Variants in EHD3 observed in about 807,000 individuals in gnomAD.
The protein encoded by EHD3 is EH domain-containing protein 3.
A neutral mutation model predicts 43.0 loss-of-function variants in EHD3; 17 were observed. That is an observed-to-expected ratio of 0.40 (90% CI 0.27 to 0.59). The LOEUF (loss-of-function observed/expected upper bound fraction) is 0.59, where lower values mean the gene tolerates loss of function less well. Among genes scored for constraint, EHD3 ranks in the 20% least tolerant of loss-of-function variants. EHD3 has a pLI of 0.49. For missense variants in EHD3, 594 were observed against 705.6 expected (o/e 0.84, Z 1.79); for synonymous variants, 313 against 289.5 (o/e 1.08, Z -0.82).
In EHD3 at chr2:31,260,580, C is replaced by T. The variant is rs900182342; in HGVS notation, c.573C>T (p.Ala191=). Residue 191 remains alanine (A), a synonymous_variant, in exon 4 of 6, where the codon GCC becomes GCT. Coordinates refer to ENST00000322054, the MANE Select transcript of EHD3 (RefSeq NM_014600.3). This position sits in a 1 kb window ranked among gnomAD's most constrained non-coding sequence, Gnocchi z 4.6. ...ACCGCATCATTCTGCTCTTCGATGCCCACAAACTGGACATCTCTGATGAGT... is the reference window on the plus strand; with the variant it reads ...ACCGCATCATTCTGCTCTTCGATGCTCACAAACTGGACATCTCTGATGAGT... ...RVDRIILLFD[A]HKLDISDEFS... is the part of the protein sequence containing the mutation. The T allele has an allele frequency of 6.2e-7, 1 of 1,614,132 alleles. No homozygotes were observed. The highest frequency in any genetic ancestry group is 8.5e-7 in the Non-Finnish European group (1 of 1,180,008).
At chr2:31,245,540 TATATATA>T in intron 2 of EHD3, among the ~76,000 whole-genome samples, 1 of 51,964 alleles carries the variant, frequency 1.9e-5, no homozygotes, top group African/African-American at 9.7e-5. Context: ...TATATATATA[TATATATA>T]TATATATTTT....
chr2:31,240,270 C>G (rs534971275), intron 1 of EHD3, among the ~76,000 whole-genome samples: 1 of 152,342 alleles, frequency 6.6e-6, no homozygotes, highest in African/African-American at 2.4e-5. Context: ...ATCCCCGTCT[C>G]TGCTGTTCCC....
chr2:31,263,878 G>A (rs1572474241), intron 5 of EHD3, among the ~76,000 whole-genome samples: 2 of 152,198 alleles, frequency 1.3e-5, no homozygotes, highest in South Asian at 2.1e-4. Context: ...GGAGAAGTTG[G>A]TGTTCTAGAC....
intron 2 of EHD3, among the ~76,000 whole-genome samples, chr2:31,245,115 G>C (rs947530068): frequency 2.3e-4 from 35 of 152,174 alleles, no homozygotes; most frequent in Non-Finnish European, 5.0e-4. Context: ...GATAAATCCA[G>C]TTTCACATGT....
intron 2 of EHD3, among the ~76,000 whole-genome samples, chr2:31,245,545 ATATATATATTTTTT>A (rs1558647898): frequency 1.7e-5 from 1 of 59,924 alleles, no homozygotes; most frequent in Non-Finnish European, 3.0e-5. Flanking sequence ...ATATATATAT[ATATATATATTTTTT>A]TTTTTTTTTT....
chr2:31,247,617 T>C (rs566346992), intron 2 of EHD3, among the ~76,000 whole-genome samples: 1 of 152,314 alleles, frequency 6.6e-6, no homozygotes, highest in South Asian at 2.1e-4. Context: ...TACTAAGGGA[T>C]AGAATTCGTG....
Position 31,234,600 on chromosome 2 carries a change from C to A in EHD3, c.-22C>A, listed in dbSNP as rs747083363. The A allele has an allele frequency of 3.1e-6, 5 of 1,612,230 alleles. No homozygotes were observed. Among genetic ancestry groups the A allele is most frequent in the African/African-American group, 2.7e-5 (2 of 74,916 alleles). On this transcript the variant is annotated 5_prime_UTR_variant, in exon 1 of 6. Coordinates refer to ENST00000322054, the MANE Select transcript of EHD3 (RefSeq NM_014600.3). ...AGGAGTCTTCCCCTGGGGCTGCGTGCCGGGGGCGAGCGGCGGCCGCGATGT... is the reference window on the plus strand; with the variant it reads ...AGGAGTCTTCCCCTGGGGCTGCGTGACGGGGGCGAGCGGCGGCCGCGATGT...
intron 3 of EHD3, among the ~76,000 whole-genome samples, chr2:31,255,389 G>T (rs1394280705): frequency 6.6e-6 from 1 of 152,306 alleles, no homozygotes; most frequent in East Asian, 1.9e-4. Flanking sequence ...GGCAGTCTGT[G>T]CTGTCAGATC....
chr2:31,253,438 A>G (rs1683678419), intron 3 of EHD3, among the ~76,000 whole-genome samples: 1 of 152,110 alleles, frequency 6.6e-6, no homozygotes, highest in African/African-American at 2.4e-5. Flanking sequence ...AGTCCTGCCA[A>G]CTATGTCCTA....
chr2:31,246,661 T>C (rs1411733247), intron 2 of EHD3, among the ~76,000 whole-genome samples: 1 of 152,322 alleles, frequency 6.6e-6, no homozygotes, highest in East Asian at 1.9e-4. Flanking sequence ...AGCGCCCTTA[T>C]GTCATTAATC....
intron 4 of EHD3, 119 bp downstream of exon 4, chr2:31,261,041 G>C: frequency 8.5e-7 from 1 of 1,173,132 alleles, no homozygotes; most frequent in Non-Finnish European, 1.2e-6. Flanking sequence ...GACACCAAGG[G>C]GCAGGACAGT....
chr2:31,263,464 A>T (rs979825268), intron 5 of EHD3, among the ~76,000 whole-genome samples: 8 of 152,292 alleles, frequency 5.3e-5, no homozygotes, highest in African/African-American at 1.9e-4. Flanking sequence ...TCGTAGGGTA[A>T]TGGGAGCACC....
chr2:31,269,135 G>A lies in EHD3; in HGVS notation c.*2431G>A, dbSNP rs1684007051. On this transcript the variant is annotated 3_prime_UTR_variant, in exon 6 of 6. Coordinates refer to ENST00000322054, the MANE Select transcript of EHD3 (RefSeq NM_014600.3). ...GCTTCAGGGGCCTGGGAGATCTCAT[G>A]CCTCAGCCCAGGAAACATTTAATAG... is the stretch of plus-strand genomic sequence containing the variant. 1 of 152,190 alleles carries A rather than the reference G, an allele frequency of 6.6e-6. No individual in the cohort carries two copies. The highest frequency in any genetic ancestry group is 2.1e-4 in the South Asian group (1 of 4,828). The allele number at this position is 152,190 out of a possible 1,614,324, so 9.4% of individuals were successfully genotyped here. A position where few individuals can be genotyped will look rare whatever the true frequency, so the allele number is the denominator to read the frequency against.
chr2:31,261,655 G>T lies in EHD3; in HGVS notation c.1022G>T (p.Arg341Leu). The change falls in exon 5 of 6, where the codon CGG becomes CTG. Residue 341 changes from arginine to leucine, a missense_variant. Physicochemically the swap from Arg to Leu is moderately radical, Grantham distance 102. Transcript: ENST00000322054. ...AACAACCTGGCCGAGATCTATGGCCGGATCGAGCGGGAGCACCAGATCTCA... is the reference window on the plus strand; with the variant it reads ...AACAACCTGGCCGAGATCTATGGCCTGATCGAGCGGGAGCACCAGATCTCA... ...LVNNLAEIYG[R>L]IEREHQISPG... 6.2e-7 allele frequency: 1 copy of T among 1,614,206 alleles called. No individual in the cohort carries two copies. Among genetic ancestry groups the T allele is most frequent in the East Asian group, 2.2e-5 (1 of 44,882 alleles).
At chr2:31,246,426 A>T (rs1407335129) in intron 2 of EHD3, among the ~76,000 whole-genome samples, 4 of 152,112 alleles carry the variant, frequency 2.6e-5, no homozygotes, top group Non-Finnish European at 5.9e-5. Flanking sequence ...GAAGGCAGAG[A>T]GGAGGAGCTG....
rs1391706737 is a variant in EHD3, at chr2:31,266,708, G to C, written c.*4G>C. 1.3e-6 allele frequency: 2 copies of C among 1,591,974 alleles called. No individual in the cohort carries two copies. Among genetic ancestry groups the C allele is most frequent in the African/African-American group, 1.3e-5 (1 of 74,668 alleles). ...CAAGAGGAAAGTTGCCGAGTGATGG[G>C]GTGGGGGGACATTCAGACGGGCAGT... On this transcript the variant is annotated 3_prime_UTR_variant, in exon 6 of 6. Coordinates refer to ENST00000322054, the MANE Select transcript of EHD3 (RefSeq NM_014600.3). The surrounding 1 kb of genome is among the most constrained non-coding windows in gnomAD (Gnocchi z 5.1).
intron 2 of EHD3, among the ~76,000 whole-genome samples, chr2:31,245,168 T>C (rs1224604901): frequency 6.6e-6 from 1 of 152,216 alleles, no homozygotes; most frequent in Non-Finnish European, 1.5e-5. Flanking sequence ...CTACTTTTTC[T>C]AATTGGAGGT....
At chr2:31,237,008 C>G (rs1487604827) in intron 1 of EHD3, among the ~76,000 whole-genome samples, 1 of 152,166 alleles carries the variant, frequency 6.6e-6, no homozygotes, top group Admixed American at 6.5e-5. Context: ...CTTTCTTATC[C>G]TCCATGTGCA....
chr2:31,245,551 ATATTTTTTTTT>A (rs1383955236), intron 2 of EHD3, among the ~76,000 whole-genome samples: 6 of 32,260 alleles, frequency 1.9e-4, no homozygotes, highest in African/African-American at 5.6e-4. Flanking sequence ...ATATATATAT[ATATTTTTTTTT>A]TTTTTTTTTT....
Sources: allele counts gnomAD v4.1 joint callset (sites outside exome capture counted in the v4.1 genomes callset), GRCh38; gene constraint gnomAD v4.1.1; non-coding constraint Gnocchi (gnomAD v3.1); transcripts MANE v1.5; gene names NCBI Gene and HGNC (gene_info 2026-07-23, HGNC 2026-07-21).